KHDRBS2: variants seen among roughly 807,000 people sequenced by gnomAD.
KHDRBS2 encodes KH domain-containing, RNA-binding, signal transduction-associated protein 2.
Under a neutral mutation model 44.3 loss-of-function variants are expected in KHDRBS2, and 26 were observed. That is an observed-to-expected ratio of 0.59 (90% CI 0.43 to 0.81). KHDRBS2 has a LOEUF of 0.81. Ranked by LOEUF, KHDRBS2 falls within the 40% of genes least tolerant of loss-of-function variation. KHDRBS2 has a pLI of 0.00. For missense variants in KHDRBS2, 476 were observed against 433.1 expected (o/e 1.10, Z -0.88); for synonymous variants, 194 against 151.1 (o/e 1.28, Z -2.08).
At chr6:61,817,657 A>C (rs1238940863) in intron 6 of KHDRBS2, among the ~76,000 whole-genome samples, 1 of 152,062 alleles carries the variant, frequency 6.6e-6, no homozygotes, top group African/African-American at 2.4e-5. Context: ...TTGGATATTT[A>C]TTAGTTATTA....
At chr6:61,775,816 A>T (rs1280478867) in intron 6 of KHDRBS2, among the ~76,000 whole-genome samples, 1 of 152,210 alleles carries the variant, frequency 6.6e-6, no homozygotes, top group East Asian at 1.9e-4. Flanking sequence ...TGGAACCAAA[A>T]TGAGCCCGTG....
intron 4 of KHDRBS2, among the ~76,000 whole-genome samples, chr6:61,924,935 G>A (rs1160808389): frequency 6.6e-6 from 1 of 152,060 alleles, no homozygotes; most frequent in African/African-American, 2.4e-5. Flanking sequence ...AATTGGGTAG[G>A]GTGGTCGGAC....
chr6:61,582,744 C>T, the KHDRBS2 span, among the ~76,000 whole-genome samples: 1 of 151,214 alleles, frequency 6.6e-6, no homozygotes, highest in Non-Finnish European at 1.5e-5. Context: ...AAATTTAAAG[C>T]TTTAAGATAT....
At chr6:61,548,865 C>T in the KHDRBS2 span, among the ~76,000 whole-genome samples, 158 of 152,178 alleles carry the variant, frequency 1.0e-3, no homozygotes, top group Non-Finnish European at 2.1e-3. Context: ...TTGGAGTTGG[C>T]CACTACCACT....
At chr6:62,206,799 A>G (rs1445665283) in intron 1 of KHDRBS2, among the ~76,000 whole-genome samples, 1 of 152,118 alleles carries the variant, frequency 6.6e-6, no homozygotes, top group African/African-American at 2.4e-5. Flanking sequence ...GTATATGAGG[A>G]CAAGAACTGG....
intron 4 of KHDRBS2, among the ~76,000 whole-genome samples, chr6:61,907,396 G>A (rs1805233055): frequency 2.0e-5 from 3 of 152,092 alleles, no homozygotes; most frequent in South Asian, 4.1e-4. Context: ...CTGTGCAGAA[G>A]CCTTTTAGCT....
At chr6:61,732,787 A>G in intron 6 of KHDRBS2, 23 bp from the exon 7 acceptor site, 2 of 1,236,924 alleles carry the variant, frequency 1.6e-6, no homozygotes, top group African/African-American at 1.5e-5. Context: ...AATGGTAGAA[A>G]CACCTGTTAG....
intron 6 of KHDRBS2, among the ~76,000 whole-genome samples, chr6:61,736,520 G>A (rs1002436199): frequency 2.6e-5 from 4 of 152,064 alleles, no homozygotes; most frequent in Middle Eastern, 3.4e-3. Context: ...TAAAAATATG[G>A]CTTTACTCAC....
chr6:62,104,398 C>T lies in KHDRBS2; in HGVS notation c.220-56404G>A, dbSNP rs537046161. On this transcript the variant is annotated intron_variant, in intron 2 of 8. Transcript: ENST00000281156. ...TGCTGGTGCACTGCACCCACTAACT[C>T]GTCATCTAGCATTAGGTATATTTGA... Among the ~76,000 whole-genome samples the T allele has an allele frequency of 7.2e-4, 110 of 152,146 alleles. 1 individual carries two copies. Among genetic ancestry groups the T allele is most frequent in the African/African-American group, 2.5e-3 (105 of 41,516 alleles).
At chr6:61,797,130 A>C (rs1270240960) in intron 6 of KHDRBS2, among the ~76,000 whole-genome samples, 3 of 152,156 alleles carry the variant, frequency 2.0e-5, no homozygotes, top group Non-Finnish European at 4.4e-5. Context: ...ACCCCTGAGG[A>C]ACCTAGCTGA....
the KHDRBS2 span, among the ~76,000 whole-genome samples, chr6:61,653,740 G>A: frequency 6.6e-6 from 1 of 151,964 alleles, no homozygotes; most frequent in Non-Finnish European, 1.5e-5. Flanking sequence ...GAATACTACT[G>A]CAAGGATAGT....
At chr6:62,245,334 G>A (rs764723230) in intron 1 of KHDRBS2, among the ~76,000 whole-genome samples, 3 of 151,910 alleles carry the variant, frequency 2.0e-5, no homozygotes, top group Non-Finnish European at 4.4e-5. Context: ...TTAACCCTAC[G>A]TAGTCCATGC....
intron 1 of KHDRBS2, among the ~76,000 whole-genome samples, chr6:62,219,516 CAAAGAT>C (rs1830535167): frequency 6.6e-6 from 1 of 151,172 alleles, no homozygotes; most frequent in South Asian, 2.1e-4. Context: ...AAAATAAATA[CAAAGAT>C]AAATAGTAAA....
intron 6 of KHDRBS2, among the ~76,000 whole-genome samples, chr6:61,791,071 C>A (rs1784567563): frequency 6.6e-6 from 1 of 151,258 alleles, no homozygotes; most frequent in African/African-American, 2.4e-5. Flanking sequence ...ATAATATATT[C>A]ATTATTTTAA....
At chr6:62,048,159 A>AC (rs1386673344) in intron 2 of KHDRBS2, among the ~76,000 whole-genome samples, 165 bp from the exon 3 acceptor site, 23 of 92,106 alleles carry the variant, frequency 2.5e-4, no homozygotes, top group African/African-American at 7.9e-4. Context: ...CACACACACA[A>AC]ACCCCAAACC....
chr6:61,557,458 C>A, the KHDRBS2 span, among the ~76,000 whole-genome samples: 2 of 152,180 alleles, frequency 1.3e-5, no homozygotes, highest in African/African-American at 4.8e-5. Flanking sequence ...CTGAATATCT[C>A]CATTGTGAAT....
intron 2 of KHDRBS2, among the ~76,000 whole-genome samples, chr6:62,098,868 C>A (rs1214259601): frequency 1.3e-5 from 2 of 152,162 alleles, no homozygotes; most frequent in Non-Finnish European, 2.9e-5. Flanking sequence ...TTCAAATAGT[C>A]TGTCTTTGGG....
the KHDRBS2 span, among the ~76,000 whole-genome samples, chr6:61,586,486 G>A: frequency 6.6e-6 from 1 of 152,162 alleles, no homozygotes; most frequent in African/African-American, 2.4e-5. Context: ...AATAATGCCT[G>A]TAATGACAGT....
the KHDRBS2 span, among the ~76,000 whole-genome samples, chr6:61,588,628 CA>C: frequency 6.6e-6 from 1 of 151,970 alleles, no homozygotes; most frequent in Admixed American, 6.6e-5. Context: ...TACAAAAAAA[CA>C]AAACCAAAAT....
Sources: allele counts gnomAD v4.1 joint callset (sites outside exome capture counted in the v4.1 genomes callset), GRCh38; gene constraint gnomAD v4.1.1; transcripts MANE v1.5; gene names NCBI Gene and HGNC (gene_info 2026-07-23, HGNC 2026-07-21).